The following CABYR variants were observed in gnomAD, a reference collection of about 807,000 sequenced individuals.
CABYR encodes calcium-binding tyrosine phosphorylation-regulated protein.
CABYR carries 31 observed loss-of-function variants against 36.1 expected under a neutral mutation model. The observed-to-expected ratio is 0.86, with a 90% confidence interval of 0.64 to 1.16. The LOEUF is 1.16. CABYR is among the 50% of genes most tolerant of loss of function. The pLI is 0.00. For missense variants in CABYR, 429 were observed against 455.8 expected (o/e 0.94, Z 0.53); for synonymous variants, 146 against 160.7 (o/e 0.91, Z 0.69).
intron 3 of CABYR, among the ~76,000 whole-genome samples, chr18:24,147,649 TAA>T (rs1340366676): frequency 6.6e-6 from 1 of 151,890 alleles, no homozygotes; most frequent in East Asian, 1.9e-4. Flanking sequence ...GCAGAAGGTT[TAA>T]AAAAGTACAG....
At chr18:24,154,433 T>C (rs1328638528) in intron 3 of CABYR, among the ~76,000 whole-genome samples, 1 of 152,222 alleles carries the variant, frequency 6.6e-6, no homozygotes, top group African/African-American at 2.4e-5. Flanking sequence ...TAATGATAGA[T>C]GTGGCTTTCT....
At chr18:24,161,103 A>G (rs781186054) in intron 5 of CABYR, among the ~76,000 whole-genome samples, 53 of 152,258 alleles carry the variant, frequency 3.5e-4, no homozygotes, top group Non-Finnish European at 6.6e-4. Context: ...GGGGAGGTCA[A>G]CAGAGGAAGT....
At chr18:24,143,798 A>G (rs1469047213) in intron 3 of CABYR, among the ~76,000 whole-genome samples, 2 of 152,056 alleles carry the variant, frequency 1.3e-5, no homozygotes, top group Non-Finnish European at 2.9e-5. Flanking sequence ...AGCCTCCCAC[A>G]GTGTTGGGAT....
chr18:24,139,820 G>A (rs1296132845), intron 1 of CABYR: 4 of 152,234 alleles, frequency 2.6e-5, no homozygotes, highest in Non-Finnish European at 5.9e-5. Context: ...TGGGACGGGG[G>A]ATCATGGAGT....
At chr18:24,149,895 G>A (rs1027106063) in intron 3 of CABYR, among the ~76,000 whole-genome samples, 7 of 152,210 alleles carry the variant, frequency 4.6e-5, no homozygotes, top group African/African-American at 1.2e-4. Context: ...CAGCTGGCCC[G>A]CAAGCGCGGC....
rs770830634 is a variant in CABYR, at chr18:24,156,741, G to GA, written c.541+704dup. On this transcript the variant is annotated intron_variant, in intron 4 of 5. Coordinates refer to ENST00000399496, the MANE Select transcript of CABYR (RefSeq NM_153769.3). The stretch of plus-strand genomic sequence containing the variant: ...AGAAGGTGCTATCAAAATAGGCTCT[G>GA]AAAAATCTCTGCACCTTGAAGTGGA... The GA allele has an allele frequency of 4.3e-6, 7 of 1,614,204 alleles. No homozygotes were observed. In the African/African-American group the frequency reaches 6.7e-5, roughly 15 times the overall value.
Position 24,159,521 on chromosome 18 carries a change from G to A in CABYR, c.591G>A (p.Trp197Ter), listed in dbSNP as rs1279264001. 1 of 1,613,804 alleles carries A rather than the reference G, an allele frequency of 6.2e-7. No homozygotes were observed. Among genetic ancestry groups the A allele is most frequent in the Admixed American group, 1.7e-5 (1 of 59,968 alleles). ...RGQPPPCSNM[W>*]TLYCLTDKNQ... is the part of the protein sequence containing the mutation. ...AACCACCACCATGTTCTAACATGTG[G>A]ACCCTTTATTGTCTAACTGATAAGA... Residue 197 changes from tryptophan to a stop codon, truncating the protein, a stop_gained, in exon 5 of 6, where the codon TGG (tryptophan) becomes TGA (stop). Transcript: ENST00000399496. LOFTEE classifies it high-confidence loss of function.
chr18:24,156,978 G>A, intron 4 of CABYR: 2 of 1,604,760 alleles, frequency 1.2e-6, no homozygotes, highest in Non-Finnish European at 1.7e-6. Flanking sequence ...ATCAACAGCT[G>A]AATAAGGTTT....
chr18:24,161,252 A>ATAT (rs371882362), intron 5 of CABYR, among the ~76,000 whole-genome samples: 3 of 152,206 alleles, frequency 2.0e-5, no homozygotes, highest in African/African-American at 7.2e-5. Flanking sequence ...ACCAGTTACT[A>ATAT]TATTTAAGGA....
At chr18:24,144,937 C>G (rs534796450) in intron 3 of CABYR, among the ~76,000 whole-genome samples, 1 of 152,282 alleles carries the variant, frequency 6.6e-6, no homozygotes, top group East Asian at 1.9e-4. Flanking sequence ...AATTTTGACC[C>G]CTTTACAACA....
chr18:24,153,705 G>T (rs1024645978), intron 3 of CABYR, among the ~76,000 whole-genome samples: 3 of 152,140 alleles, frequency 2.0e-5, no homozygotes, highest in Non-Finnish European at 4.4e-5. Context: ...TTATGTTTTT[G>T]TGGCTTATCT....
chr18:24,147,696 T>C (rs938926177), intron 3 of CABYR, among the ~76,000 whole-genome samples: 2 of 152,018 alleles, frequency 1.3e-5, no homozygotes, highest in Admixed American at 6.6e-5. Context: ...CTTAAGATAA[T>C]GAATTCAACA....
At position 24,143,075 on chromosome 18, in the gene CABYR, T is replaced by C; in HGVS notation, c.-24-16T>C. Reference sequence around the variant, plus strand: ...TAGTAAAACTAATTACTTCTAAGACTTTTTCTTCATTCTAGTTGAGTTACA... The same window carrying C: ...TAGTAAAACTAATTACTTCTAAGACCTTTTCTTCATTCTAGTTGAGTTACA... On this transcript the variant is annotated splice_polypyrimidine_tract_variant and intron_variant, in intron 1 of 5. Coordinates refer to ENST00000399496, the MANE Select transcript of CABYR (RefSeq NM_153769.3). The C allele has an allele frequency of 6.6e-7, 1 of 1,519,808 alleles. No homozygotes were observed. The highest frequency in any genetic ancestry group is 1.4e-5 in the African/African-American group (1 of 70,882). 94.1% of individuals were successfully genotyped at this position (1,519,808 alleles called of 1,614,324 possible).
Position 24,156,057 on chromosome 18 carries a change from A to G in CABYR, c.541+15A>G, listed in dbSNP as rs35118855. 667 of 1,614,160 alleles carry G rather than the reference A, an allele frequency of 4.1e-4. No individual in the cohort carries two copies. The African/African-American group carries it at 6.8e-3, about 17-fold the overall frequency. On this transcript the variant is annotated intron_variant, in intron 4 of 5. Coordinates refer to ENST00000399496, the MANE Select transcript of CABYR (RefSeq NM_153769.3). ...TCAGATGTTAGGTAAAGTTTCATCT[A>G]TTCATTCTGATCAATCTGATGTGTT...
chr18:24,151,174 T>TA (rs1239300184), intron 3 of CABYR, among the ~76,000 whole-genome samples: 10 of 152,186 alleles, frequency 6.6e-5, no homozygotes, highest in African/African-American at 2.4e-4. Flanking sequence ...TGTGCCTATT[T>TA]AAAAAAATAC....
chr18:24,142,589 CA>C (rs889845971), intron 1 of CABYR, among the ~76,000 whole-genome samples: 2 of 150,136 alleles, frequency 1.3e-5, no homozygotes, highest in Non-Finnish European at 3.0e-5. Context: ...GGATTTCTAT[CA>C]TGGTACTAGA....
In CABYR at chr18:24,143,148, T is replaced by C; in HGVS notation, c.34T>C (p.Tyr12His). The C allele has an allele frequency of 1.2e-6, 2 of 1,613,482 alleles. No individual in the cohort carries two copies. Reference protein sequence around the residue: ...ISSKPRLVVPYGLKTLLEGIS... With the variant: ...ISSKPRLVVPHGLKTLLEGIS... ...TTCAAAGCCCAGACTTGTCGTACCC[T>C]ATGGCCTCAAGACTCTGCTCGAGGG... The change falls in exon 2 of 6, where the codon TAT becomes CAT. Residue 12 changes from tyrosine (Y) to histidine (H), a missense_variant. Transcript: ENST00000399496.
chr18:24,139,194 G>C (rs2085236743), intron 1 of CABYR, 76 bp downstream of exon 1: 1 of 151,894 alleles, frequency 6.6e-6, no homozygotes, highest in African/African-American at 2.4e-5. Flanking sequence ...CTCGCAGTGG[G>C]AGAGGTCGTC....
At chr18:24,146,328 A>AG (rs1403593526) in intron 3 of CABYR, among the ~76,000 whole-genome samples, 1 of 152,234 alleles carries the variant, frequency 6.6e-6, no homozygotes, top group Non-Finnish European at 1.5e-5. Flanking sequence ...AAACTAAAAA[A>AG]CGAGCCAACA....
Sources: gnomAD v4.1 joint callset for allele counts (sites outside exome capture counted in the v4.1 genomes callset) on GRCh38, gnomAD v4.1.1 for gene constraint, MANE v1.5 for transcripts, NCBI Gene and HGNC (gene_info 2026-07-23, HGNC 2026-07-21) for gene names.